RIN3: variants seen among roughly 807,000 people sequenced by gnomAD.
RIN3 encodes Ras and Rab interactor 3.
In RIN3, 54 loss-of-function variants were observed where a neutral mutation model predicts 76.3. The ratio of observed to expected loss-of-function variants is 0.71; its 90% CI spans 0.57 to 0.89. RIN3 has a LOEUF of 0.89. Ranked by LOEUF, RIN3 falls within the 40% of genes least tolerant of loss-of-function variation. The pLI is 0.00. For synonymous variants in RIN3, 576 were observed against 564.0 expected, an observed-to-expected ratio of 1.02 and a Z score of -0.30; for missense variants, 1,256 against 1,322.1, an observed-to-expected ratio of 0.95 and a Z score of 0.78.
chr14:92,653,117 G>T, intron 6 of RIN3, 42 bp downstream of exon 6: 1 of 1,554,704 alleles, frequency 6.4e-7, no homozygotes, highest in South Asian at 1.2e-5. Context: ...AGAGGGCGGT[G>T]GGGCTCACAG....
chr14:92,520,425 C>T (rs1197665907), intron 1 of RIN3, among the ~76,000 whole-genome samples: 2 of 152,160 alleles, frequency 1.3e-5, no homozygotes, highest in Non-Finnish European at 1.5e-5. Context: ...TAGGGGGGCT[C>T]TCCTAGAGGA....
chr14:92,576,198 G>A (rs1479568567), intron 2 of RIN3: 7 of 1,245,590 alleles, frequency 5.6e-6, no homozygotes. Context: ...TGCCAAGGAG[G>A]GATGAGCTTG....
At chr14:92,621,227 CT>C (rs2140109532) in intron 4 of RIN3, among the ~76,000 whole-genome samples, 1 of 27,320 alleles carries the variant, frequency 3.7e-5, no homozygotes, top group Non-Finnish European at 6.2e-5. Context: ...CAGAGCGAGA[CT>C]CCGTCTCAAA....
At chr14:92,534,542 C>T (rs567118739) in intron 1 of RIN3, among the ~76,000 whole-genome samples, 350 of 150,266 alleles carry the variant, frequency 2.3e-3, no homozygotes, top group Middle Eastern at 7.0e-3. Context: ...GAGCCAAGAT[C>T]GTGCCACTGC....
chr14:92,670,964 C>G (rs1345048182), intron 7 of RIN3, among the ~76,000 whole-genome samples: 1 of 152,202 alleles, frequency 6.6e-6, no homozygotes, highest in Non-Finnish European at 1.5e-5. Flanking sequence ...ACATCACTTT[C>G]TAAGGCCCAC....
At chr14:92,651,512 A>ACC in intron 5 of RIN3, 70 bp from the exon 6 acceptor site, 1 of 741,958 alleles carries the variant, frequency 1.3e-6, no homozygotes, top group Non-Finnish European at 2.1e-6. Flanking sequence ...CCGCCCACAG[A>ACC]CCCCGCCCAG....
chr14:92,687,114 G>A (rs769564745), intron 9 of RIN3: 3 of 152,320 alleles, frequency 2.0e-5, no homozygotes, highest in African/African-American at 7.2e-5. Flanking sequence ...CTGAGCCCCG[G>A]GGAAGGCGAG....
Position 92,676,479 on chromosome 14 carries a change from GCCCTATGGGGCGGAT to G in RIN3, c.2341_2355del (p.Pro781_Asp785del). On this transcript the variant is annotated inframe_deletion, in exon 8 of 10. Transcript: ENST00000216487. ...CTGCCTCCTTCTTCTTCCCAGGGAA[GCCCTATGGGGCGGAT>G]GACTTCCTGCCTGTGCTCATGTATG... 1 of 1,613,886 alleles carries G rather than the reference GCCCTATGGGGCGGAT, an allele frequency of 6.2e-7. No homozygotes were observed. The highest frequency in any genetic ancestry group is 2.2e-5 in the East Asian group (1 of 44,866).
At chr14:92,649,372 C>G (rs4499167) in intron 5 of RIN3, among the ~76,000 whole-genome samples, 5,781 of 152,182 alleles carry the variant, frequency 0.038, 381 homozygotes, top group African/African-American at 0.13. Flanking sequence ...GCTAGGAAAA[C>G]TCCCAAGGAG....
rs1220988314 is a variant in RIN3, at chr14:92,643,434, G to T, written c.532+2105G>T. ...AGGGCAAGTTTTCAGTTGCTTTTGGGAATCAACTTGCTATTAAACTTTGCT... is the reference window on the plus strand; with the variant it reads ...AGGGCAAGTTTTCAGTTGCTTTTGGTAATCAACTTGCTATTAAACTTTGCT... On this transcript the variant is annotated intron_variant, in intron 5 of 9. Coordinates refer to ENST00000216487, the MANE Select transcript of RIN3 (RefSeq NM_024832.5). The surrounding 1 kb of genome is among the most constrained non-coding windows in gnomAD (Gnocchi z 4.8). 2.6e-5 allele frequency among the ~76,000 whole-genome samples: 4 copies of T among 152,276 alleles called. No homozygotes were observed. The East Asian group carries it at 7.7e-4, about 29-fold the overall frequency.
intron 1 of RIN3, among the ~76,000 whole-genome samples, chr14:92,538,444 C>T (rs1005336143): frequency 7.2e-5 from 11 of 152,136 alleles, no homozygotes; most frequent in South Asian, 2.1e-4. Context: ...TATTCTATGC[C>T]GGGCTTGGGC....
Position 92,513,802 on chromosome 14 carries a change from A to G in RIN3, c.-131A>G. On this transcript the variant is annotated 5_prime_UTR_variant, in exon 1 of 10. Coordinates refer to ENST00000216487, the MANE Select transcript of RIN3 (RefSeq NM_024832.5). ...AAGTAGAAGGGAGCGAGAGCCCCAG[A>G]GCGCGGCGGCAGCGGCGGCCTGGCC... 1 of 485,166 alleles carries G rather than the reference A, an allele frequency of 2.1e-6. No homozygotes were observed. The highest frequency in any genetic ancestry group is 3.2e-6 in the Non-Finnish European group (1 of 309,868). 30.1% of individuals were successfully genotyped at this position (485,166 alleles called of 1,614,324 possible). A position where few individuals can be genotyped will look rare whatever the true frequency, so the allele number is the denominator to read the frequency against.
chr14:92,555,170 CTG>C (rs972232796), intron 1 of RIN3, among the ~76,000 whole-genome samples: 2 of 152,204 alleles, frequency 1.3e-5, no homozygotes, highest in African/African-American at 4.8e-5. Flanking sequence ...GTGCATTTCA[CTG>C]TGTGTGTTAC....
intron 7 of RIN3, among the ~76,000 whole-genome samples, chr14:92,665,157 G>C (rs1888041455): frequency 6.6e-6 from 1 of 152,138 alleles, no homozygotes; most frequent in Admixed American, 6.6e-5. Flanking sequence ...TTGCCCCCAG[G>C]CTACCACCCT....
chr14:92,615,072 AC>A (rs1421246294), intron 3 of RIN3, among the ~76,000 whole-genome samples: 1 of 151,850 alleles, frequency 6.6e-6, no homozygotes, highest in African/African-American at 2.4e-5. Context: ...TGAACTCCTG[AC>A]CTTGTGATTC....
rs1388063810 is a variant in RIN3 at position 92,687,959 on chromosome 14, C to T, written c.2665C>T (p.Gln889Ter). 1.7e-5 allele frequency: 27 copies of T among 1,554,208 alleles called. No individual in the cohort carries two copies. Among genetic ancestry groups the T allele is most frequent in the African/African-American group, 4.1e-5 (3 of 72,874 alleles). Residue 889 changes from glutamine (Q) to a stop codon, truncating the protein, a stop_gained, in exon 10 of 10, where the codon CAG becomes TAG. Transcript: ENST00000216487. LOFTEE classifies it high-confidence loss of function. ...CTGCGTGTCGTACCTGGAGCCCGAGCAGCAGGCGCGGACGCTGGCGTCGCG... is the reference window on the plus strand; with the variant it reads ...CTGCGTGTCGTACCTGGAGCCCGAGTAGCAGGCGCGGACGCTGGCGTCGCG... ...FICVSYLEPE[Q>*]QARTLASRAD... is the part of the protein sequence containing the mutation.
intron 2 of RIN3, among the ~76,000 whole-genome samples, chr14:92,558,810 G>C (rs1221594903): frequency 3.3e-5 from 5 of 152,166 alleles, no homozygotes; most frequent in African/African-American, 1.2e-4. Context: ...TGATAGTCGT[G>C]GGTCAAAGGC....
intron 1 of RIN3, among the ~76,000 whole-genome samples, chr14:92,530,916 C>T (rs1313480840): frequency 6.6e-6 from 1 of 152,060 alleles, no homozygotes; most frequent in Non-Finnish European, 1.5e-5. Context: ...AAGGTGCATC[C>T]AGCCCCACCC....
At chr14:92,661,760 A>ACACACACAC (rs1419895576) in intron 7 of RIN3, among the ~76,000 whole-genome samples, 10,192 of 127,434 alleles carry the variant, frequency 0.08, 462 homozygotes, top group Non-Finnish European at 0.098. Context: ...CACACACACA[A>ACACACACAC]AAAATAGAAT....
Sources: gnomAD v4.1 joint callset for allele counts (sites outside exome capture counted in the v4.1 genomes callset) on GRCh38, gnomAD v4.1.1 for gene constraint, Gnocchi (gnomAD v3.1) non-coding constraint, MANE v1.5 for transcripts, NCBI Gene and HGNC (gene_info 2026-07-23, HGNC 2026-07-21) for gene names.